ZZZ3: variants seen among roughly 807,000 people sequenced by gnomAD.
The protein encoded by ZZZ3 is ZZ-type zinc finger-containing protein 3.
Under a neutral mutation model 95.2 loss-of-function variants are expected in ZZZ3, and 22 were observed. The observed-to-expected ratio is 0.23, with a 90% CI of 0.17 to 0.33. The LOEUF (loss-of-function observed/expected upper bound fraction) is 0.33. Among genes scored for constraint, ZZZ3 ranks in the 10% least tolerant of loss-of-function variants. The pLI is 1.00. For synonymous variants in ZZZ3, 335 were observed against 358.9 expected (o/e 0.93, Z 0.75); for missense variants, 885 against 1,066.5 (o/e 0.83, Z 2.37).
intron 1 of ZZZ3, among the ~76,000 whole-genome samples, chr1:77,664,536 G>C (rs1053354628): frequency 6.6e-5 from 10 of 152,050 alleles, no homozygotes; most frequent in African/African-American, 2.4e-4. Flanking sequence ...AACATTAATT[G>C]AACAAAATTT....
chr1:77,588,537 A>C (rs1663335416), intron 5 of ZZZ3, among the ~76,000 whole-genome samples: 1 of 152,144 alleles, frequency 6.6e-6, no homozygotes, highest in African/African-American at 2.4e-5. Flanking sequence ...ATGAAGAAAA[A>C]CCTTGTCTCA....
intron 5 of ZZZ3, among the ~76,000 whole-genome samples, chr1:77,588,126 A>G (rs186138239): frequency 1.3e-5 from 2 of 152,320 alleles, no homozygotes; most frequent in East Asian, 3.9e-4. Flanking sequence ...TCAACTACAC[A>G]GGAGGTCTAT....
At chr1:77,663,720 A>C (rs1671013237) in intron 1 of ZZZ3, among the ~76,000 whole-genome samples, 1 of 152,006 alleles carries the variant, frequency 6.6e-6, no homozygotes, top group African/African-American at 2.4e-5. Flanking sequence ...ATATAAAACT[A>C]AACTCCTAAT....
At chr1:77,642,349 T>C (rs779746629) in intron 1 of ZZZ3, among the ~76,000 whole-genome samples, 2 of 152,200 alleles carry the variant, frequency 1.3e-5, no homozygotes, top group African/African-American at 4.8e-5. Flanking sequence ...TGTTCATTCA[T>C]ACATATCAAA....
chr1:77,667,163 T>C (rs1009276766), intron 1 of ZZZ3, among the ~76,000 whole-genome samples: 11 of 152,206 alleles, frequency 7.2e-5, no homozygotes, highest in Non-Finnish European at 1.2e-4. Flanking sequence ...AGTTTTTACA[T>C]TGATGATTTT....
intron 1 of ZZZ3, among the ~76,000 whole-genome samples, chr1:77,682,098 T>G (rs1672823835): frequency 1.3e-5 from 2 of 152,020 alleles, no homozygotes; most frequent in South Asian, 2.1e-4. Flanking sequence ...GTCAGAGACA[T>G]AATGGGCCCT....
chr1:77,598,931 C>CT (rs1257524183), intron 5 of ZZZ3, among the ~76,000 whole-genome samples: 2 of 152,072 alleles, frequency 1.3e-5, no homozygotes, highest in Non-Finnish European at 2.9e-5. Context: ...AATTTTAGTG[C>CT]TTTAGCACAG....
chr1:77,623,698 A>T (rs1425746591), intron 5 of ZZZ3, among the ~76,000 whole-genome samples: 1 of 152,200 alleles, frequency 6.6e-6, no homozygotes, highest in Non-Finnish European at 1.5e-5. Context: ...ACATATGTAC[A>T]ATGTCTATAA....
At chr1:77,609,320 A>G (rs1389850874) in intron 5 of ZZZ3, among the ~76,000 whole-genome samples, 1 of 152,212 alleles carries the variant, frequency 6.6e-6, no homozygotes. Flanking sequence ...TGAAGGGATC[A>G]ATTCAGCAAG....
intron 1 of ZZZ3, among the ~76,000 whole-genome samples, chr1:77,667,267 A>G (rs1671322829): frequency 6.6e-6 from 1 of 152,228 alleles, no homozygotes; most frequent in Non-Finnish European, 1.5e-5. Context: ...CTGACACTTC[A>G]TTGCTCTAAG....
At chr1:77,616,722 C>T (rs955194276) in intron 5 of ZZZ3, among the ~76,000 whole-genome samples, 5 of 151,918 alleles carry the variant, frequency 3.3e-5, no homozygotes, top group Non-Finnish European at 5.9e-5. Flanking sequence ...AAAAATTAGC[C>T]GGGGGTGGTG....
intron 12 of ZZZ3, 139 bp from the exon 13 acceptor site, chr1:77,568,605 C>G (rs1661065146): frequency 2.4e-6 from 1 of 425,310 alleles, no homozygotes. Context: ...AAAATTAGTG[C>G]TGTTATTAGC....
chr1:77,594,120 T>C (rs1465339305), intron 5 of ZZZ3, among the ~76,000 whole-genome samples: 1 of 152,158 alleles, frequency 6.6e-6, no homozygotes, highest in East Asian at 1.9e-4. Context: ...CTGGGCTTAT[T>C]GGCTCTGCCC....
At chr1:77,681,508 T>A (rs1246421418) in intron 1 of ZZZ3, among the ~76,000 whole-genome samples, 1 of 152,322 alleles carries the variant, frequency 6.6e-6, no homozygotes, top group Admixed American at 6.5e-5. Flanking sequence ...GAGAGAAATA[T>A]TAAATTGATT....
Position 77,576,091 on chromosome 1 carries a change from T to G in ZZZ3, c.2308A>C (p.Asn770His). ...DDRSCFHSHM[N>H]TAVEDASDDE... Reference sequence around the variant, plus strand: ...ACTGATGCATCTTCAACAGCAGTGTTCATGTGGCTATGAAAACAAGATCGG... The same window carrying G: ...ACTGATGCATCTTCAACAGCAGTGTGCATGTGGCTATGAAAACAAGATCGG... The change falls in exon 12 of 15, where the codon AAC (asparagine) becomes CAC (histidine). Residue 770 changes from asparagine to histidine, a missense_variant. Physicochemically the swap from Asn to His is moderately conservative, Grantham distance 68. Coordinates refer to ENST00000370801, the MANE Select transcript of ZZZ3 (RefSeq NM_015534.6). 6.2e-7 allele frequency: 1 copy of G among 1,611,438 alleles called. No homozygotes were observed. The highest frequency in any genetic ancestry group is 8.5e-7 in the Non-Finnish European group (1 of 1,179,314).
chr1:77,599,978 G>A (rs906954745), intron 5 of ZZZ3, among the ~76,000 whole-genome samples: 2 of 151,898 alleles, frequency 1.3e-5, no homozygotes, highest in African/African-American at 4.8e-5. Context: ...TGCATGAAAG[G>A]TTTCATCAAC....
chr1:77,618,618 C>T (rs1036288994), intron 5 of ZZZ3, among the ~76,000 whole-genome samples: 24 of 152,188 alleles, frequency 1.6e-4, no homozygotes, highest in East Asian at 3.9e-4. Context: ...CATGAGTATT[C>T]GCAAGATTGT....
At chr1:77,577,106 T>C (rs1662038457) in intron 11 of ZZZ3, among the ~76,000 whole-genome samples, 1 of 152,216 alleles carries the variant, frequency 6.6e-6, no homozygotes, top group African/African-American at 2.4e-5. Flanking sequence ...TCTTGATCAA[T>C]AGCACAGTCA....
intron 5 of ZZZ3, among the ~76,000 whole-genome samples, chr1:77,621,449 A>G (rs1434510650): frequency 1.3e-5 from 2 of 151,686 alleles, no homozygotes; most frequent in Non-Finnish European, 2.9e-5. Context: ...CCTTTAAAAA[A>G]AAAATCCAGT....
Sources: allele counts gnomAD v4.1 joint callset (sites outside exome capture counted in the v4.1 genomes callset), GRCh38; gene constraint gnomAD v4.1.1; transcripts MANE v1.5; gene names NCBI Gene and HGNC (gene_info 2026-07-23, HGNC 2026-07-21).